Variants in RGS12 observed in about 807,000 individuals in gnomAD.
RGS12 encodes regulator of G-protein signaling 12.
A neutral mutation model predicts 120.1 loss-of-function variants in RGS12; 66 were observed. The observed-to-expected ratio is 0.55, with a 90% CI of 0.45 to 0.67. RGS12 has a LOEUF of 0.67. Among genes scored for constraint, RGS12 ranks in the 30% least tolerant of loss-of-function variants. The pLI is 0.00. For missense variants in RGS12, 1,859 were observed against 1,957.7 expected (o/e 0.95, Z 0.95); for synonymous variants, 827 against 804.7 (o/e 1.03, Z -0.47).
intron 2 of RGS12, among the ~76,000 whole-genome samples, chr4:3,338,725 GC>G (rs1210245369): frequency 2.0e-5 from 3 of 152,212 alleles, no homozygotes; most frequent in Non-Finnish European, 4.4e-5. Flanking sequence ...TGGAGATGGT[GC>G]CCTGGGGGCC....
At chr4:3,297,308 G>A (rs1723435307) in intron 1 of RGS12, among the ~76,000 whole-genome samples, 1 of 152,176 alleles carries the variant, frequency 6.6e-6, no homozygotes, top group African/African-American at 2.4e-5. Flanking sequence ...GGATTGAAGC[G>A]TCCAGTTGTA....
rs1162379189 is a variant in RGS12, at chr4:3,425,328, G to A, written c.3235-136G>A. The A allele has an allele frequency of 1.2e-5, 9 of 760,814 alleles. No individual in the cohort carries two copies. The African/African-American group carries it at 1.4e-4, about 12-fold the overall frequency. 47.1% of individuals were successfully genotyped at this position (760,814 alleles called of 1,614,324 possible). A position where few individuals can be genotyped will look rare whatever the true frequency, so the allele number is the denominator to read the frequency against. ...GCCCCAGCTTGTGTGCCTCAGTCAG[G>A]CAGGCCTCACCTCGGGGCCATCTCC... On this transcript the variant is annotated intron_variant, in intron 13 of 17. Coordinates refer to ENST00000336727, the MANE Select transcript of RGS12 (RefSeq NM_001394154.1).
intron 9 of RGS12, among the ~76,000 whole-genome samples, chr4:3,420,154 C>T (rs77505115): frequency 2.0e-3 from 311 of 152,316 alleles, no homozygotes; most frequent in African/African-American, 7.2e-3. Context: ...AGGAAAAGGA[C>T]GTGGACCGAG....
intron 17 of RGS12, among the ~76,000 whole-genome samples, chr4:3,439,143 G>A (rs954454414): frequency 6.6e-6 from 1 of 151,998 alleles, no homozygotes; most frequent in Non-Finnish European, 1.5e-5. Context: ...TGGGGCGGGG[G>A]CTCTGCCGGG....
intron 3 of RGS12, among the ~76,000 whole-genome samples, chr4:3,370,563 G>A (rs1716874357): frequency 6.6e-6 from 1 of 152,216 alleles, no homozygotes; most frequent in African/African-American, 2.4e-5. Flanking sequence ...TCAACCCCTC[G>A]GGAGCCCAAG....
At chr4:3,391,768 C>T (rs904223821) in intron 4 of RGS12, among the ~76,000 whole-genome samples, 2 of 141,970 alleles carry the variant, frequency 1.4e-5, no homozygotes, top group Non-Finnish European at 1.5e-5. Context: ...TGTTTGGGGG[C>T]CTCACCAGAG....
At chr4:3,400,068 G>T (rs768855108) in intron 4 of RGS12, among the ~76,000 whole-genome samples, 1 of 152,180 alleles carries the variant, frequency 6.6e-6, no homozygotes, top group Non-Finnish European at 1.5e-5. Flanking sequence ...TTCCACAAGG[G>T]GGGGCAACAA....
intron 3 of RGS12, among the ~76,000 whole-genome samples, chr4:3,382,834 G>C (rs1050860059): frequency 6.6e-6 from 1 of 151,994 alleles, no homozygotes; most frequent in African/African-American, 2.4e-5. Flanking sequence ...TTCTGTTTCC[G>C]ACCTGCACTG....
At chr4:3,399,816 G>A (rs549596286) in intron 4 of RGS12, among the ~76,000 whole-genome samples, 2 of 152,214 alleles carry the variant, frequency 1.3e-5, no homozygotes, top group Non-Finnish European at 2.9e-5. Context: ...CAAAGCAGAT[G>A]TTCATTTCTT....
At chr4:3,429,389 G>A (rs1192772160) in intron 16 of RGS12, among the ~76,000 whole-genome samples, 1 of 152,202 alleles carries the variant, frequency 6.6e-6, no homozygotes, top group Non-Finnish European at 1.5e-5. Context: ...TCCACCTGGC[G>A]TGTCACGGCT....
chr4:3,286,867 G>A, the RGS12 span, among the ~76,000 whole-genome samples: 1 of 152,232 alleles, frequency 6.6e-6, no homozygotes, highest in Non-Finnish European at 1.5e-5. Flanking sequence ...ATGGGAGCCC[G>A]GTCAGCAGTG....
At chr4:3,385,939 C>T (rs553287667) in intron 3 of RGS12, 63 of 175,748 alleles carry the variant, frequency 3.6e-4, no homozygotes, top group Non-Finnish European at 5.3e-4. Flanking sequence ...TGCTGGAGAG[C>T]GTGAGGGGCG....
chr4:3,313,499 G>T (rs949636864), intron 1 of RGS12, among the ~76,000 whole-genome samples: 3 of 152,190 alleles, frequency 2.0e-5, no homozygotes, highest in Non-Finnish European at 4.4e-5. Context: ...ATTCCCCCTT[G>T]TATTTGTTTC....
chr4:3,363,677 G>A (rs1218232506), intron 3 of RGS12, among the ~76,000 whole-genome samples: 1 of 151,808 alleles, frequency 6.6e-6, no homozygotes, highest in African/African-American at 2.4e-5. Flanking sequence ...GCGGCAGCGC[G>A]TGGACCTGCC....
chr4:3,424,843 G>A (rs1002874992), intron 13 of RGS12, among the ~76,000 whole-genome samples: 1 of 152,240 alleles, frequency 6.6e-6, no homozygotes, highest in Non-Finnish European at 1.5e-5. Context: ...CCCCCGCAGG[G>A]CCCACCACGC....
intron 4 of RGS12, among the ~76,000 whole-genome samples, chr4:3,407,043 G>A (rs937763882): frequency 1.3e-5 from 2 of 152,198 alleles, no homozygotes; most frequent in Admixed American, 1.3e-4. Flanking sequence ...TAAGTTACAT[G>A]TGGAAAGAAG....
intron 17 of RGS12, 138 bp from the exon 18 acceptor site, chr4:3,439,317 G>A: frequency 1.2e-6 from 1 of 861,928 alleles, no homozygotes; most frequent in Non-Finnish European, 1.9e-6. Flanking sequence ...CGGGACGCCA[G>A]CTGCCTCTGG....
chr4:3,317,718 G>C lies in RGS12; in HGVS notation c.1548G>C (p.Arg516Ser), dbSNP rs145086779. 174 of 1,613,294 alleles carry C rather than the reference G, an allele frequency of 1.1e-4. No homozygotes were observed. Among genetic ancestry groups the C allele is most frequent in the Non-Finnish European group, 1.4e-4 (167 of 1,179,932 alleles). Residue 516 changes from arginine (R) to serine (S), a missense_variant, in exon 2 of 18, where the codon AGG becomes AGC. By Grantham distance (110) the Arg-to-Ser change is moderately radical (BLOSUM62 -1). Around this residue, in one of 3 missense-constraint regions of RGS12, gnomAD observed 967 missense variants for 994.2 expected, o/e 0.97. Transcript: ENST00000336727. Reference sequence around the variant, plus strand: ...TGGAGGTGCCCCCAGCTTCCTTGAGGAGCTCAGTCCCCCCTTCCAAGAGGG... The same window carrying C: ...TGGAGGTGCCCCCAGCTTCCTTGAGCAGCTCAGTCCCCCCTTCCAAGAGGG... ...SPVEVPPASLRSSVPPSKRGT... is the reference protein window; with the variant it reads ...SPVEVPPASLSSSVPPSKRGT...
At chr4:3,375,884 A>G (rs1717638523) in intron 3 of RGS12, among the ~76,000 whole-genome samples, 1 of 152,212 alleles carries the variant, frequency 6.6e-6, no homozygotes, top group Non-Finnish European at 1.5e-5. Context: ...GTTGGCACTG[A>G]CACATTGGAA....
Sources: allele counts gnomAD v4.1 joint callset (sites outside exome capture counted in the v4.1 genomes callset), GRCh38; gene constraint gnomAD v4.1.1; regional missense constraint gnomAD v4.1.1; transcripts MANE v1.5; gene names NCBI Gene and HGNC (gene_info 2026-07-23, HGNC 2026-07-21).